The following EDEM1 variants were observed in gnomAD, a reference collection of about 807,000 sequenced individuals.
EDEM1 encodes ER degradation enhancing alpha-mannosidase like protein 1.
In EDEM1, 67 loss-of-function variants were observed where a neutral mutation model predicts 74.4. That is an observed-to-expected ratio of 0.90 (90% CI 0.74 to 1.10). The LOEUF is 1.10. Among genes scored for constraint, EDEM1 ranks in the 50% least tolerant of loss-of-function variants. The probability of loss-of-function intolerance (pLI) is 0.00; values close to 1 mark genes in which losing one functional copy is unlikely to be tolerated. For missense variants in EDEM1, 926 were observed against 851.6 expected (o/e 1.09, Z -1.09); for synonymous variants, 382 against 335.9 (o/e 1.14, Z -1.50).
chr3:5,194,668 A>G (rs1453662511), intron 1 of EDEM1, among the ~76,000 whole-genome samples: 1 of 152,226 alleles, frequency 6.6e-6, no homozygotes, highest in Non-Finnish European at 1.5e-5. Context: ...GACCCTTTGG[A>G]TGAGTTATTA....
chr3:5,187,766 C>A lies in EDEM1; in HGVS notation c.-40C>A. ...GGGGTGCGGTGGTCGGCGGGGAGGC[C>A]CCCGCGCTTTAAAATAATGCCCGCG... is the stretch of plus-strand genomic sequence containing the variant. On this transcript the variant is annotated 5_prime_UTR_variant, in exon 1 of 12. Transcript: ENST00000256497. 1 of 1,504,698 alleles carries A rather than the reference C, an allele frequency of 6.6e-7. No individual in the cohort carries two copies. Among genetic ancestry groups the A allele is most frequent in the Non-Finnish European group, 8.9e-7 (1 of 1,127,092 alleles). 93.2% of individuals were successfully genotyped at this position (1,504,698 alleles called of 1,614,324 possible).
chr3:5,199,781 A>T, intron 3 of EDEM1, 86 bp downstream of exon 3: 1 of 1,127,548 alleles, frequency 8.9e-7, no homozygotes, highest in South Asian at 1.5e-5. Context: ...TCTTTTTGCC[A>T]CATGATCCAG....
In EDEM1 at chr3:5,208,279, T is replaced by G. The variant is rs770453897; in HGVS notation, c.1509+16T>G. The G allele has an allele frequency of 2.5e-5, 37 of 1,470,168 alleles. No individual in the cohort carries two copies. The highest frequency in any genetic ancestry group is 3.2e-5 in the Non-Finnish European group (35 of 1,089,036). The allele number at this position is 1,470,168 out of a possible 1,614,324, so 91.1% of individuals were successfully genotyped here. On this transcript the variant is annotated intron_variant, in intron 8 of 11. Transcript: ENST00000256497. ...CCTCTACCAGGTACTAGAGTTGTGT[T>G]TTTTTTTTTTTCCTTTCACTGCCTC...
chr3:5,211,178 A>G lies in EDEM1; in HGVS notation c.1642A>G (p.Ser548Gly), dbSNP rs1363032833. 6.2e-7 allele frequency: 1 copy of G among 1,614,126 alleles called. No individual in the cohort carries two copies. The highest frequency in any genetic ancestry group is 8.5e-7 in the Non-Finnish European group (1 of 1,180,008). Residue 548 changes from serine (S) to glycine (G), a missense_variant, in exon 10 of 12, where the codon AGC (serine) becomes GGC (glycine). Physicochemically the swap from Ser to Gly is moderately conservative, Grantham distance 56. Coordinates refer to ENST00000256497, the MANE Select transcript of EDEM1 (RefSeq NM_014674.3). Reference sequence around the variant, plus strand: ...CAAGTCCACAGAAGACCGGATGGAGAGCTTCTTTCTCAGTGAGACCTGTAA... The same window carrying G: ...CAAGTCCACAGAAGACCGGATGGAGGGCTTCTTTCTCAGTGAGACCTGTAA... ...IDKSTEDRME[S>G]FFLSETCKYL...
chr3:5,194,080 G>A (rs925771719), intron 1 of EDEM1, among the ~76,000 whole-genome samples: 11 of 152,194 alleles, frequency 7.2e-5, no homozygotes, highest in African/African-American at 2.4e-4. Context: ...AACACGAGAG[G>A]TGCTGTGCAC....
intron 2 of EDEM1, among the ~76,000 whole-genome samples, chr3:5,196,627 C>T (rs2054971296): frequency 6.6e-6 from 1 of 152,096 alleles, no homozygotes; most frequent in African/African-American, 2.4e-5. Flanking sequence ...AGGACTAGGC[C>T]CTTGGTCTAA....
At chr3:5,191,656 C>T (rs946635320) in intron 1 of EDEM1, among the ~76,000 whole-genome samples, 12 of 152,098 alleles carry the variant, frequency 7.9e-5, no homozygotes, top group South Asian at 2.1e-4. Context: ...ACACTCTTAC[C>T]GTTTCTCTGT....
chr3:5,190,877 T>C (rs1215065873), intron 1 of EDEM1, among the ~76,000 whole-genome samples: 3 of 152,158 alleles, frequency 2.0e-5, no homozygotes, highest in Non-Finnish European at 4.4e-5. Context: ...TAAATATTTT[T>C]TAAAAAAATT....
intron 10 of EDEM1, among the ~76,000 whole-genome samples, chr3:5,213,095 G>A (rs2055187563): frequency 6.6e-6 from 1 of 152,204 alleles, no homozygotes; most frequent in African/African-American, 2.4e-5. Context: ...TATGTGTAGG[G>A]GAGAGGCAGG....
chr3:5,215,822 T>C lies in EDEM1; in HGVS notation c.1885-7T>C. ...TTTTTAATTTTCCCTCGTTTTTGTC[T>C]TTCTAGTGCAATCGTGTACCTGATG... On this transcript the variant is annotated splice_region_variant and splice_polypyrimidine_tract_variant and intron_variant, in intron 11 of 11. Coordinates refer to ENST00000256497, the MANE Select transcript of EDEM1 (RefSeq NM_014674.3). 1.2e-6 allele frequency: 2 copies of C among 1,613,092 alleles called. No homozygotes were observed. The highest frequency in any genetic ancestry group is 8.5e-7 in the Non-Finnish European group (1 of 1,179,324).
intron 1 of EDEM1, chr3:5,189,377 A>G (rs2054872250): frequency 6.6e-6 from 1 of 152,158 alleles, no homozygotes; most frequent in Non-Finnish European, 1.5e-5. Flanking sequence ...TGGTGTGGTT[A>G]TTTACACATT....
At chr3:5,192,226 C>G (rs1269141237) in intron 1 of EDEM1, among the ~76,000 whole-genome samples, 1 of 152,184 alleles carries the variant, frequency 6.6e-6, no homozygotes, top group Admixed American at 6.5e-5. Context: ...GGATTGAGTA[C>G]TGTTGTGTAT....
intron 11 of EDEM1, among the ~76,000 whole-genome samples, chr3:5,215,489 G>T (rs1328270667): frequency 1.3e-5 from 2 of 152,220 alleles, no homozygotes; most frequent in African/African-American, 4.8e-5. Context: ...ATGCCTTTTA[G>T]CTTCCCTGGA....
chr3:5,218,765 G>T lies in EDEM1; in HGVS notation c.*2847G>T, dbSNP rs897706886. ...CGAGGAATCCCTTCTAGAATCATAGGTGGCAAGGGAGGGTTTGCTAGCTCT... is the reference window on the plus strand; with the variant it reads ...CGAGGAATCCCTTCTAGAATCATAGTTGGCAAGGGAGGGTTTGCTAGCTCT... On this transcript the variant is annotated 3_prime_UTR_variant, in exon 12 of 12. Transcript: ENST00000256497. 1 of 152,158 alleles carries T rather than the reference G, an allele frequency of 6.6e-6. No homozygotes were observed. Among genetic ancestry groups the T allele is most frequent in the African/African-American group, 2.4e-5 (1 of 41,446 alleles). 9.4% of individuals were successfully genotyped at this position (152,158 alleles called of 1,614,324 possible).
chr3:5,205,344 T>G, intron 6 of EDEM1, 103 bp downstream of exon 6: 1 of 1,214,758 alleles, frequency 8.2e-7, no homozygotes, highest in Non-Finnish European at 1.1e-6. Context: ...TCTGTTTATC[T>G]CTGCCCTCAC....
At chr3:5,199,225 A>T (rs967365119) in intron 2 of EDEM1, among the ~76,000 whole-genome samples, 4 of 152,204 alleles carry the variant, frequency 2.6e-5, no homozygotes, top group Non-Finnish European at 5.9e-5. Context: ...TTGTTTCTTC[A>T]GTTTTCTGAT....
chr3:5,204,552 A>T (rs1295856345), intron 5 of EDEM1, among the ~76,000 whole-genome samples: 1 of 151,844 alleles, frequency 6.6e-6, no homozygotes, highest in Non-Finnish European at 1.5e-5. Context: ...CATCGCACCC[A>T]GCAAATTTTT....
rs762013166 is a variant in EDEM1, at chr3:5,199,601, A to G, written c.592A>G (p.Asn198Asp). The G allele has an allele frequency of 4.3e-6, 7 of 1,611,472 alleles. No homozygotes were observed. Among genetic ancestry groups the G allele is most frequent in the African/African-American group, 1.3e-5 (1 of 74,950 alleles). ...DALDTLAIMG[N>D]SSEFQKAVKL... ...GTTCCTCTTTTTAAAGATAATGGGAAATTCATCCGAGTTCCAGAAAGCCGT... is the reference window on the plus strand; with the variant it reads ...GTTCCTCTTTTTAAAGATAATGGGAGATTCATCCGAGTTCCAGAAAGCCGT... The change falls in exon 3 of 12, where the codon AAT (asparagine) becomes GAT (aspartate). Residue 198 changes from asparagine (N) to aspartate (D), a missense_variant. By Grantham distance (23) the Asn-to-Asp change is conservative (BLOSUM62 1). Transcript: ENST00000256497.
intron 9 of EDEM1, among the ~76,000 whole-genome samples, chr3:5,210,593 TTGAAA>T (rs1467820565): frequency 7.2e-5 from 11 of 152,184 alleles, no homozygotes; most frequent in African/African-American, 2.2e-4. Flanking sequence ...GTAGTCAGTA[TTGAAA>T]TGTATGTACT....
Sources: allele counts gnomAD v4.1 joint callset (sites outside exome capture counted in the v4.1 genomes callset), GRCh38; gene constraint gnomAD v4.1.1; transcripts MANE v1.5; gene names NCBI Gene and HGNC (gene_info 2026-07-23, HGNC 2026-07-21).